Variants in ZMIZ1 observed in about 807,000 individuals in gnomAD.
The protein encoded by ZMIZ1 is zinc finger MIZ domain-containing protein 1.
In ZMIZ1, 17 loss-of-function variants were observed where a neutral mutation model predicts 113.9. The ratio of observed to expected loss-of-function variants is 0.15; its 90% CI spans 0.10 to 0.22. The LOEUF (loss-of-function observed/expected upper bound fraction) is 0.22. ZMIZ1 is among the 10% of genes least tolerant of loss of function. ZMIZ1 has a pLI of 1.00. For synonymous variants in ZMIZ1, 607 were observed against 603.1 expected (o/e 1.01, Z -0.09); for missense variants, 1,059 against 1,477.8 (o/e 0.72, Z 4.65).
intron 1 of ZMIZ1, among the ~76,000 whole-genome samples, chr10:79,070,166 T>C: frequency 6.6e-6 from 1 of 151,692 alleles, no homozygotes. Context: ...AGGCGGGTTC[T>C]GGAAGCTTGC....
chr10:79,212,140 CTTCTTCTTTT>C (rs989128904), intron 6 of ZMIZ1, among the ~76,000 whole-genome samples: 3 of 151,342 alleles, frequency 2.0e-5, no homozygotes, highest in Non-Finnish European at 4.4e-5. Flanking sequence ...AGTCACCCGT[CTTCTTCTTTT>C]TTTTTTTAAT....
intron 1 of ZMIZ1, among the ~76,000 whole-genome samples, chr10:79,086,058 G>T (rs538756130): frequency 1.7e-4 from 26 of 152,270 alleles, no homozygotes; most frequent in Non-Finnish European, 2.9e-4. Context: ...GGAGTCTACT[G>T]GAGCATTTTT....
chr10:79,203,381 A>G (rs1848180144), intron 5 of ZMIZ1, among the ~76,000 whole-genome samples: 1 of 152,156 alleles, frequency 6.6e-6, no homozygotes, highest in Non-Finnish European at 1.5e-5. Context: ...CGCCAATTAC[A>G]CGCCTCTGTT....
chr10:79,207,722 A>G (rs1848379838), intron 5 of ZMIZ1, among the ~76,000 whole-genome samples: 1 of 152,162 alleles, frequency 6.6e-6, no homozygotes, highest in Admixed American at 6.5e-5. Context: ...AGGACAGTAC[A>G]GGCACGTGTG....
At chr10:79,265,004 G>A (rs113827635) in intron 7 of ZMIZ1, among the ~76,000 whole-genome samples, 1 of 152,162 alleles carries the variant, frequency 6.6e-6, no homozygotes, top group Non-Finnish European at 1.5e-5. Flanking sequence ...ATCCTGCCCA[G>A]CCTCCACTGG....
At chr10:79,243,285 C>T (rs866650933) in intron 7 of ZMIZ1, among the ~76,000 whole-genome samples, 163 of 150,382 alleles carry the variant, frequency 1.1e-3, no homozygotes, top group Non-Finnish European at 1.6e-3. Flanking sequence ...CCGCGCGCCC[C>T]CGGCCCATCC....
intron 22 of ZMIZ1, 123 bp downstream of exon 22, chr10:79,306,467 A>G: frequency 4.8e-6 from 7 of 1,461,990 alleles, no homozygotes; most frequent in East Asian, 2.3e-5. Context: ...GAGAAGTAAC[A>G]CATCCCCCAA....
chr10:79,210,983 GC>G (rs1848507939), intron 6 of ZMIZ1, among the ~76,000 whole-genome samples: 1 of 152,156 alleles, frequency 6.6e-6, no homozygotes, highest in Non-Finnish European at 1.5e-5. Context: ...TCTGTTCCCT[GC>G]CTCCAGTGTA....
At chr10:79,304,310 C>T in intron 19 of ZMIZ1, 135 bp downstream of exon 19, 1 of 1,208,166 alleles carries the variant, frequency 8.3e-7, no homozygotes, top group Non-Finnish European at 1.1e-6. Context: ...CAGCTGGCGT[C>T]ACTCATTAAT....
At position 79,313,958 on chromosome 10, in the gene ZMIZ1, C is replaced by T. The variant is rs1412171625; in HGVS notation, c.*1209C>T. ...TCCCTGTGCTCCAAGCTGCCCCCGG[C>T]TGCAGCCCAGGCCATGGACATGTGC... On this transcript the variant is annotated 3_prime_UTR_variant, in exon 25 of 25. Coordinates refer to ENST00000334512, the MANE Select transcript of ZMIZ1 (RefSeq NM_020338.4). 1 of 433,220 alleles carries T rather than the reference C, an allele frequency of 2.3e-6. No homozygotes were observed. Among genetic ancestry groups the T allele is most frequent in the African/African-American group, 2.0e-5 (1 of 49,768 alleles). The allele number at this position is 433,220 out of a possible 1,614,324, so 26.8% of individuals were successfully genotyped here.
intron 1 of ZMIZ1, among the ~76,000 whole-genome samples, chr10:79,075,593 C>T (rs4980023): frequency 1.9e-5 from 1 of 53,782 alleles, no homozygotes; most frequent in Non-Finnish European, 4.3e-5. Flanking sequence ...ACATGCACAC[C>T]TGCACACATG....
chr10:79,289,070 G>C (rs896002427), intron 8 of ZMIZ1, among the ~76,000 whole-genome samples: 17 of 152,144 alleles, frequency 1.1e-4, no homozygotes, highest in Non-Finnish European at 2.4e-4. Context: ...GTGTGTGTTT[G>C]GACTCTGCCT....
At chr10:79,293,824 T>A (rs1216279694) in intron 12 of ZMIZ1, 171 bp downstream of exon 12, 1 of 994,602 alleles carries the variant, frequency 1.0e-6, no homozygotes, top group Admixed American at 2.1e-5. Flanking sequence ...GGTTCTGCTG[T>A]TTCCCAACTG....
At chr10:79,114,465 GTGTGTGTGTGTC>G (rs1357436033) in intron 1 of ZMIZ1, among the ~76,000 whole-genome samples, 20 of 130,866 alleles carry the variant, frequency 1.5e-4, no homozygotes, top group South Asian at 5.1e-4. Flanking sequence ...GGGTGTGTAT[GTGTGTGTGTGTC>G]TGTGTGTGTG....
chr10:79,253,273 G>T (rs1463036405), intron 7 of ZMIZ1, among the ~76,000 whole-genome samples: 10 of 152,330 alleles, frequency 6.6e-5, no homozygotes, highest in African/African-American at 2.4e-4. Context: ...TAGGACGTGT[G>T]GGGGTCGTTT....
intron 1 of ZMIZ1, among the ~76,000 whole-genome samples, chr10:79,077,818 G>A (rs949992011): frequency 3.9e-5 from 6 of 152,216 alleles, no homozygotes; most frequent in South Asian, 2.1e-4. Context: ...GATGGAGTGC[G>A]CAAACTTCCT....
chr10:79,071,828 T>G (rs965936677), intron 1 of ZMIZ1, among the ~76,000 whole-genome samples: 11 of 152,166 alleles, frequency 7.2e-5, no homozygotes, highest in East Asian at 1.9e-4. Flanking sequence ...TCTTCTGAGC[T>G]TTATGATTTT....
chr10:79,278,626 G>A (rs1852463852), intron 8 of ZMIZ1, among the ~76,000 whole-genome samples: 1 of 151,290 alleles, frequency 6.6e-6, no homozygotes, highest in Non-Finnish European at 1.5e-5. Flanking sequence ...TGAGATTAGG[G>A]AGTGGTGATG....
Position 79,208,415 on chromosome 10 carries a change from G to A in ZMIZ1, c.140G>A (p.Arg47Gln), listed in dbSNP as rs199706616. 8.6e-5 allele frequency: 139 copies of A among 1,613,968 alleles called. No individual in the cohort carries two copies. In the East Asian group the frequency reaches 2.7e-3, roughly 31 times the overall value. Residue 47 changes from arginine (R) to glutamine (Q), a missense_variant, in exon 6 of 25, where the codon CGG becomes CAG. Physicochemically the swap from Arg to Gln is conservative, Grantham distance 43 (BLOSUM62 1). Coordinates refer to ENST00000334512, the MANE Select transcript of ZMIZ1 (RefSeq NM_020338.4). ...DWCGDPRAFQ[R>Q]PFEQSLMGCL... is the part of the protein sequence containing the mutation. The stretch of plus-strand genomic sequence containing the variant: ...TGCGGAGACCCACGGGCCTTCCAGC[G>A]GCCCTTCGAGCAGAGCCTGATGGGC...
Sources: gnomAD v4.1 joint callset for allele counts (sites outside exome capture counted in the v4.1 genomes callset) on GRCh38, gnomAD v4.1.1 for gene constraint, MANE v1.5 for transcripts, NCBI Gene and HGNC (gene_info 2026-07-23, HGNC 2026-07-21) for gene names.